The following CNGB3 variants were observed in gnomAD, a reference collection of about 807,000 sequenced individuals.
CNGB3 encodes the protein cyclic nucleotide gated channel subunit beta 3, also known as cyclic nucleotide-gated channel beta-3.
A neutral mutation model predicts 92.8 loss-of-function variants in CNGB3; 86 were observed. That is an observed-to-expected ratio of 0.93 (90% CI 0.78 to 1.11). CNGB3 has a LOEUF of 1.11. Ranked by LOEUF, CNGB3 falls within the 50% of genes least tolerant of loss-of-function variation. The pLI is 0.00. For synonymous variants in CNGB3, 333 were observed against 332.7 expected (o/e 1.00, Z -0.01); for missense variants, 1,026 against 956.8 (o/e 1.07, Z -0.95).
rs202055201 is a variant in CNGB3, at chr8:86,711,833, C to A, written c.338+14698G>T. Among the ~76,000 whole-genome samples the A allele has an allele frequency of 2.4e-3, 315 of 130,380 alleles. 1 individual carries two copies. The highest frequency in any genetic ancestry group is 8.3e-3 in the Middle Eastern group (2 of 242). The allele number at this position is 130,380 out of a possible 152,430, so 85.5% of individuals were successfully genotyped here. A position where few individuals can be genotyped will look rare whatever the true frequency, so the allele number is the denominator to read the frequency against. ...AGTTTACCACTCTCTCTCTCTCTCT[C>A]TCTATATATATATATATATGACATA... On this transcript the variant is annotated intron_variant, in intron 3 of 17. Transcript: ENST00000320005.
At chr8:86,597,878 T>C (rs980106019) in intron 15 of CNGB3, among the ~76,000 whole-genome samples, 1 of 152,112 alleles carries the variant, frequency 6.6e-6, no homozygotes, top group African/African-American at 2.4e-5. Flanking sequence ...CTTGGGAGAC[T>C]GAGGTTGGAG....
intron 10 of CNGB3, among the ~76,000 whole-genome samples, chr8:86,633,278 T>C (rs1227708121): frequency 6.6e-6 from 1 of 152,184 alleles, no homozygotes; most frequent in Non-Finnish European, 1.5e-5. Context: ...AAAGATTTGA[T>C]TGAAACCAAA....
At chr8:86,615,344 C>T (rs529777992) in intron 13 of CNGB3, among the ~76,000 whole-genome samples, 2 of 152,204 alleles carry the variant, frequency 1.3e-5, no homozygotes, top group Admixed American at 1.3e-4. Context: ...GTGGCTCACA[C>T]CTGTAATCCC....
Position 86,743,607 on chromosome 8 carries a change from T to C in CNGB3, c.21A>G (p.Lys7=). MFKSLT[K]VNKVKPIGEN... ...CTCCTATAGGCTTCACCTTGTTGAC[T>C]TTTGTCAGCGATTTAAACATCTTCT... The change falls in exon 1 of 18, where the codon AAA becomes AAG. Residue 7 remains lysine (K), a synonymous_variant. Coordinates refer to ENST00000320005, the MANE Select transcript of CNGB3 (RefSeq NM_019098.5). 6.2e-7 allele frequency: 1 copy of C among 1,614,018 alleles called. No individual in the cohort carries two copies.
intron 3 of CNGB3, among the ~76,000 whole-genome samples, chr8:86,674,612 G>A (rs1823927716): frequency 6.6e-6 from 1 of 152,058 alleles, no homozygotes; most frequent in Admixed American, 6.5e-5. Context: ...AAGAACCAAT[G>A]GTTTTGCCTT....
intron 3 of CNGB3, among the ~76,000 whole-genome samples, chr8:86,698,872 C>G (rs533376860): frequency 9.9e-5 from 15 of 152,250 alleles, no homozygotes; most frequent in African/African-American, 3.4e-4. Flanking sequence ...CACCATAGAC[C>G]AAAGCAAGTT....
chr8:86,725,156 T>G (rs1371098849), intron 3 of CNGB3, among the ~76,000 whole-genome samples: 1 of 152,180 alleles, frequency 6.6e-6, no homozygotes, highest in African/African-American at 2.4e-5. Context: ...CGTGGGTTAT[T>G]GTAAAAAATA....
chr8:86,720,168 G>C (rs188786518), intron 3 of CNGB3, among the ~76,000 whole-genome samples: 64 of 152,256 alleles, frequency 4.2e-4, no homozygotes, highest in Non-Finnish European at 7.2e-4. Context: ...AAACTAAAAA[G>C]CTTTTGCACA....
At chr8:86,692,276 C>T (rs1432319068) in intron 3 of CNGB3, among the ~76,000 whole-genome samples, 1 of 152,056 alleles carries the variant, frequency 6.6e-6, no homozygotes, top group Non-Finnish European at 1.5e-5. Context: ...TCCCTTGTTT[C>T]TTTGTTGACT....
Position 86,647,869 on chromosome 8 carries a change from T to C in CNGB3, c.922A>G (p.Ile308Val). 6.3e-7 allele frequency: 1 copy of C among 1,595,434 alleles called. No individual in the cohort carries two copies. The highest frequency in any genetic ancestry group is 8.6e-7 in the Non-Finnish European group (1 of 1,163,864). ...AAGAGGTAGCAAATATCAAATGGTATTATTGATGCGACATCCAACTGTTGA... is the reference window on the plus strand; with the variant it reads ...AAGAGGTAGCAAATATCAAATGGTACTATTGATGCGACATCCAACTGTTGA... ...TKFQLDVASIIPFDICYLFFG... is the reference protein window; with the variant it reads ...TKFQLDVASIVPFDICYLFFG... The change falls in exon 8 of 18, where the codon ATA becomes GTA. Residue 308 changes from isoleucine to valine, a missense_variant. By Grantham distance (29) the Ile-to-Val change is conservative (BLOSUM62 3). Transcript: ENST00000320005.
intron 7 of CNGB3, among the ~76,000 whole-genome samples, 173 bp from the exon 8 acceptor site, chr8:86,648,060 T>C (rs1253075289): frequency 6.6e-6 from 1 of 151,182 alleles, no homozygotes; most frequent in African/African-American, 2.4e-5. Flanking sequence ...ATTAGCACCA[T>C]GAAAACTATT....
intron 6 of CNGB3, chr8:86,661,326 A>G (rs1823636448): frequency 5.0e-6 from 2 of 397,134 alleles, no homozygotes; most frequent in African/African-American, 4.2e-5. Flanking sequence ...CCACTGAATA[A>G]ATCCTTTTCA....
chr8:86,601,227 A>G (rs1181307278), intron 15 of CNGB3, among the ~76,000 whole-genome samples: 1 of 152,206 alleles, frequency 6.6e-6, no homozygotes, highest in African/African-American at 2.4e-5. Context: ...AAGAAAAATG[A>G]CATTTTAACA....
chr8:86,594,618 T>A (rs1422746207), intron 15 of CNGB3: 1 of 221,862 alleles, frequency 4.5e-6, no homozygotes, highest in South Asian at 5.9e-5. Flanking sequence ...GGGCAGCGAG[T>A]GTGTCCCTGA....
At chr8:86,735,144 CTTT>C (rs10689543) in intron 2 of CNGB3, among the ~76,000 whole-genome samples, 2 of 81,270 alleles carry the variant, frequency 2.5e-5, no homozygotes, top group Non-Finnish European at 4.1e-5. Flanking sequence ...AAATGGTTGC[CTTT>C]TTTTTTTTTT....
At chr8:86,581,244 T>C (rs1045565997) in intron 15 of CNGB3, among the ~76,000 whole-genome samples, 1 of 152,232 alleles carries the variant, frequency 6.6e-6, no homozygotes, top group African/African-American at 2.4e-5. Flanking sequence ...CAGCCATATC[T>C]GCTTACTGCA....
intron 3 of CNGB3, among the ~76,000 whole-genome samples, chr8:86,674,590 AG>A (rs1823927143): frequency 6.6e-6 from 1 of 152,218 alleles, no homozygotes; most frequent in Non-Finnish European, 1.5e-5. Context: ...AAAACCCAAA[AG>A]GGATAAAAGA....
chr8:86,654,377 A>G (rs539597691), intron 6 of CNGB3, among the ~76,000 whole-genome samples: 5 of 152,264 alleles, frequency 3.3e-5, no homozygotes, highest in South Asian at 4.1e-4. Context: ...TCATTGCATC[A>G]AGGCTAACAG....
At position 86,670,995 on chromosome 8, in the gene CNGB3, T is replaced by C. The variant is rs369138501; in HGVS notation, c.442A>G (p.Lys148Glu). Reference sequence around the variant, plus strand: ...GAGAGATCTCCCTCTACCAACTTTTTCTTGTAGAGGGCTGTTCTTTGACGC... The same window carrying C: ...GAGAGATCTCCCTCTACCAACTTTTCCTTGTAGAGGGCTGTTCTTTGACGC... ...RMRQRTALYK[K>E]KLVEGDLSSP... Residue 148 changes from lysine to glutamate, a missense_variant, in exon 4 of 18, where the codon AAA (lysine) becomes GAA (glutamate). Physicochemically the swap from Lys to Glu is moderately conservative, Grantham distance 56. Transcript: ENST00000320005. 3.1e-6 allele frequency: 5 copies of C among 1,613,292 alleles called. No individual in the cohort carries two copies. The highest frequency in any genetic ancestry group is 3.3e-5 in the Admixed American group (2 of 60,016).
Sources: allele counts gnomAD v4.1 joint callset (sites outside exome capture counted in the v4.1 genomes callset), GRCh38; gene constraint gnomAD v4.1.1; transcripts MANE v1.5; gene names NCBI Gene and HGNC (gene_info 2026-07-23, HGNC 2026-07-21).